CSNK1G3: variants seen among roughly 807,000 people sequenced by gnomAD.
CSNK1G3 encodes casein kinase I isoform gamma-3.
In CSNK1G3, 23 loss-of-function variants were observed where a neutral mutation model predicts 64.3. The ratio of observed to expected loss-of-function variants is 0.36; its 90% confidence interval spans 0.26 to 0.51. The LOEUF (loss-of-function observed/expected upper bound fraction) is 0.51, where lower values mean the gene tolerates loss of function less well. Among genes scored for constraint, CSNK1G3 ranks in the 20% least tolerant of loss-of-function variants. The pLI, the probability that CSNK1G3 is intolerant of heterozygous loss-of-function variation, is 0.96. For missense variants in CSNK1G3, 357 were observed against 510.5 expected (o/e 0.70, Z 2.90); for synonymous variants, 158 against 162.2 (o/e 0.97, Z 0.20).
chr5:123,579,468 C>CAATTCAAATAA (rs1789835815), intron 6 of CSNK1G3, among the ~76,000 whole-genome samples: 1 of 151,754 alleles, frequency 6.6e-6, no homozygotes, highest in Non-Finnish European at 1.5e-5. Flanking sequence ...TAAAACCAGG[C>CAATTCAAATAA]ACACCTATAT....
At chr5:123,605,758 CAGT>C (rs1581427731) in intron 12 of CSNK1G3, among the ~76,000 whole-genome samples, 1 of 152,178 alleles carries the variant, frequency 6.6e-6, no homozygotes. Context: ...TCATCCCCCA[CAGT>C]AGTATCACTA....
intron 6 of CSNK1G3, among the ~76,000 whole-genome samples, chr5:123,586,021 A>C (rs1350875584): frequency 6.6e-6 from 1 of 152,246 alleles, no homozygotes; most frequent in Non-Finnish European, 1.5e-5. Flanking sequence ...TATTCACAAT[A>C]GCCCCAAACT....
At chr5:123,526,707 G>A (rs1026771175) in intron 1 of CSNK1G3, among the ~76,000 whole-genome samples, 25 of 152,218 alleles carry the variant, frequency 1.6e-4, no homozygotes, top group African/African-American at 5.3e-4. Context: ...TTTGCAGAAT[G>A]CATTTGAGAA....
intron 4 of CSNK1G3, among the ~76,000 whole-genome samples, chr5:123,561,925 C>T (rs1785812344): frequency 6.6e-6 from 1 of 152,118 alleles, no homozygotes. Context: ...CTCTTAAAAT[C>T]TCTCTTGACT....
chr5:123,612,037 CTTG>C (rs1796425325), intron 12 of CSNK1G3, among the ~76,000 whole-genome samples: 2 of 152,106 alleles, frequency 1.3e-5, no homozygotes, highest in East Asian at 1.9e-4. Context: ...CATGTGTAGT[CTTG>C]TTGTACTGTG....
intron 3 of CSNK1G3, among the ~76,000 whole-genome samples, chr5:123,553,600 A>G (rs1294310252): frequency 6.6e-6 from 1 of 152,190 alleles, no homozygotes; most frequent in African/African-American, 2.4e-5. Flanking sequence ...AAAGCTGGCT[A>G]TTGCTTGACT....
intron 1 of CSNK1G3, among the ~76,000 whole-genome samples, chr5:123,520,783 C>T (rs934022361): frequency 2.0e-5 from 3 of 151,878 alleles, no homozygotes; most frequent in African/African-American, 7.3e-5. Flanking sequence ...GGTTTGACTT[C>T]AGGTGGTATA....
intron 1 of CSNK1G3, among the ~76,000 whole-genome samples, chr5:123,517,232 T>C (rs1328057512): frequency 1.3e-5 from 2 of 152,232 alleles, no homozygotes; most frequent in Admixed American, 6.5e-5. Flanking sequence ...TAGAATTTGC[T>C]GACTGATGCT....
intron 10 of CSNK1G3, among the ~76,000 whole-genome samples, chr5:123,604,334 T>C (rs1203873634): frequency 2.0e-5 from 3 of 152,046 alleles, no homozygotes; most frequent in South Asian, 2.1e-4. Flanking sequence ...AGGAGTAATA[T>C]TGAAGTTTTT....
intron 1 of CSNK1G3, among the ~76,000 whole-genome samples, chr5:123,522,318 C>T (rs542601279): frequency 3.3e-5 from 5 of 151,874 alleles, no homozygotes; most frequent in African/African-American, 9.7e-5. Flanking sequence ...CTGGCTAACA[C>T]GGTGAAATCC....
At chr5:123,566,940 A>G (rs1787011932) in intron 4 of CSNK1G3, among the ~76,000 whole-genome samples, 1 of 152,154 alleles carries the variant, frequency 6.6e-6, no homozygotes, top group South Asian at 2.1e-4. Flanking sequence ...TGTATGTTTA[A>G]TGATTGTATT....
chr5:123,605,468 A>C lies in CSNK1G3; in HGVS notation c.1217+106A>C. ...AAACAAAACTCTCAACACAGTGATT[A>C]TAATTGGTAAAAGTTATTCAAAAGT... is the stretch of plus-strand genomic sequence containing the variant. On this transcript the variant is annotated intron_variant, in intron 12 of 12. Transcript: ENST00000345990. 9 of 1,193,754 alleles carry C rather than the reference A, an allele frequency of 7.5e-6. 1 individual carries two copies. In the South Asian group the frequency reaches 1.2e-4, roughly 16 times the overall value. The allele number at this position is 1,193,754 out of a possible 1,614,324, so 73.9% of individuals were successfully genotyped here.
intron 10 of CSNK1G3, among the ~76,000 whole-genome samples, chr5:123,598,087 C>T (rs1273820040): frequency 1.3e-5 from 2 of 152,052 alleles, no homozygotes; most frequent in African/African-American, 2.4e-5. Flanking sequence ...TACAGCTGTA[C>T]GTTTGATAAA....
At chr5:123,540,873 C>T (rs1781571905) in intron 1 of CSNK1G3, among the ~76,000 whole-genome samples, 1 of 152,158 alleles carries the variant, frequency 6.6e-6, no homozygotes, top group African/African-American at 2.4e-5. Flanking sequence ...GTGATATATA[C>T]CCACCTTGGC....
chr5:123,615,897 A>G (rs1402737094), exon 13 of CSNK1G3: 1 of 152,078 alleles, frequency 6.6e-6, no homozygotes, highest in Non-Finnish European at 1.5e-5. Flanking sequence ...TTTAAGATGT[A>G]TATTAAAGTA....
intron 1 of CSNK1G3, among the ~76,000 whole-genome samples, chr5:123,539,449 A>AAT (rs1781349964): frequency 2.0e-5 from 3 of 151,168 alleles, no homozygotes; most frequent in South Asian, 2.1e-4. Context: ...AAAAAAAAAA[A>AAT]AAAAAAGATT....
In CSNK1G3 at chr5:123,605,378, A is replaced by C. The variant is rs1365274478; in HGVS notation, c.1217+16A>C. Reference sequence around the variant, plus strand: ...TGAACATGTGGTGAGTCTCAAGTGTAGGCAGGCAGAAATAGCTCCATTGAC... The same window carrying C: ...TGAACATGTGGTGAGTCTCAAGTGTCGGCAGGCAGAAATAGCTCCATTGAC... On this transcript the variant is annotated intron_variant, in intron 12 of 12. Transcript: ENST00000345990. 6.2e-7 allele frequency: 1 copy of C among 1,609,604 alleles called. No individual in the cohort carries two copies. Among genetic ancestry groups the C allele is most frequent in the Non-Finnish European group, 8.5e-7 (1 of 1,178,064 alleles).
chr5:123,524,910 G>C (rs1332687075), intron 1 of CSNK1G3, among the ~76,000 whole-genome samples: 1 of 152,112 alleles, frequency 6.6e-6, no homozygotes, highest in Non-Finnish European at 1.5e-5. Flanking sequence ...TGCTTTTTAA[G>C]CTGTGTTTTC....
At chr5:123,525,648 A>G (rs960016653) in intron 1 of CSNK1G3, among the ~76,000 whole-genome samples, 2 of 152,064 alleles carry the variant, frequency 1.3e-5, no homozygotes, top group African/African-American at 4.8e-5. Flanking sequence ...AGTGTTTCCA[A>G]TTTAAATAAA....
Sources: allele counts gnomAD v4.1 joint callset (sites outside exome capture counted in the v4.1 genomes callset), GRCh38; gene constraint gnomAD v4.1.1; transcripts MANE v1.5; gene names NCBI Gene and HGNC (gene_info 2026-07-23, HGNC 2026-07-21).